The following MFN1 variants were observed in gnomAD, a reference collection of about 807,000 sequenced individuals.
MFN1 encodes mitofusin 1.
In MFN1, 65 loss-of-function variants were observed where a neutral mutation model predicts 92.4. That is an observed-to-expected ratio of 0.70 (90% CI 0.58 to 0.86). The LOEUF is 0.86. Among genes scored for constraint, MFN1 ranks in the 40% least tolerant of loss-of-function variants. The pLI, the probability that MFN1 is intolerant of heterozygous loss-of-function variation, is 0.00. For missense variants in MFN1, 781 were observed against 868.0 expected (o/e 0.90, Z 1.26); for synonymous variants, 297 against 300.9 (o/e 0.99, Z 0.13).
At chr3:179,391,460 C>G (rs1224607008) in intron 17 of MFN1, among the ~76,000 whole-genome samples, 2 of 152,028 alleles carry the variant, frequency 1.3e-5, no homozygotes, top group African/African-American at 2.4e-5. Flanking sequence ...AGAGCTACCT[C>G]AAGAAATATA....
intron 9 of MFN1, among the ~76,000 whole-genome samples, chr3:179,372,714 G>T (rs894023850): frequency 6.6e-6 from 1 of 151,978 alleles, no homozygotes; most frequent in Non-Finnish European, 1.5e-5. Context: ...TTTCTGTCTC[G>T]TCTAGCTCTA....
intron 9 of MFN1, among the ~76,000 whole-genome samples, chr3:179,371,088 C>T (rs762919801): frequency 5.9e-5 from 9 of 152,148 alleles, no homozygotes; most frequent in Non-Finnish European, 1.3e-4. Context: ...TCACCTTTAT[C>T]AATTTGACCT....
Position 179,362,363 on chromosome 3 carries a change from TA to T in MFN1, c.419del (p.Asn140IlefsTer13). ...TTCTTTTCCTCCTGCTTTAGACAGT[TA>T]ATCAACTGGCCCATGCCCTTCACAT... ...SDEKKSVKTV[N>X]QLAHALHMDK... On this transcript the variant is annotated frameshift_variant, in exon 5 of 18. Transcript: ENST00000471841. LOFTEE classifies it high-confidence loss of function. The T allele has an allele frequency of 6.2e-7, 1 of 1,607,728 alleles. No individual in the cohort carries two copies. The highest frequency in any genetic ancestry group is 8.5e-7 in the Non-Finnish European group (1 of 1,178,054).
chr3:179,372,474 G>A (rs1339883237), intron 9 of MFN1, among the ~76,000 whole-genome samples: 1 of 152,026 alleles, frequency 6.6e-6, no homozygotes, highest in Non-Finnish European at 1.5e-5. Context: ...GTGTAGTAAG[G>A]ATGCTGAGAA....
intron 16 of MFN1, among the ~76,000 whole-genome samples, chr3:179,389,220 G>A (rs1222084386): frequency 6.6e-6 from 1 of 152,114 alleles, no homozygotes; most frequent in East Asian, 1.9e-4. Flanking sequence ...TTAAGGATGA[G>A]TTTTCATCTA....
chr3:179,362,179 AT>A (rs1310367739), intron 4 of MFN1, among the ~76,000 whole-genome samples, 178 bp from the exon 5 acceptor site: 1 of 152,002 alleles, frequency 6.6e-6, no homozygotes, highest in Non-Finnish European at 1.5e-5. Context: ...TGAGGGAACC[AT>A]TTTTTTTCTA....
chr3:179,387,584 C>CTTTT (rs769878779), intron 16 of MFN1, among the ~76,000 whole-genome samples: 6 of 82,282 alleles, frequency 7.3e-5, no homozygotes, highest in Admixed American at 1.4e-4. Context: ...TTTGTGGTTT[C>CTTTT]TTTTTTTTTT....
intron 17 of MFN1, 76 bp from the exon 18 acceptor site, chr3:179,391,904 CT>C: frequency 3.4e-6 from 3 of 888,938 alleles, no homozygotes; most frequent in Non-Finnish European, 5.4e-6. Flanking sequence ...AAGTTTTTGT[CT>C]TTTAATAATG....
intron 9 of MFN1, among the ~76,000 whole-genome samples, chr3:179,373,427 A>G (rs946906986): frequency 2.0e-5 from 3 of 152,206 alleles, no homozygotes; most frequent in Non-Finnish European, 4.4e-5. Context: ...GAAGGATAGT[A>G]ATGAACTTCA....
In MFN1 at chr3:179,356,651, G is replaced by C. The variant is rs146381914; in HGVS notation, c.249-2189G>C. Among the ~76,000 whole-genome samples, 44 of 152,070 alleles carry C rather than the reference G, an allele frequency of 2.9e-4. No individual in the cohort carries two copies. In the East Asian group the frequency reaches 7.9e-3, roughly 27 times the overall value. On this transcript the variant is annotated intron_variant, in intron 3 of 17. Coordinates refer to ENST00000471841, the MANE Select transcript of MFN1 (RefSeq NM_033540.3). ...ATTTCCACAGTTGTTTTTTTTGTTC[G>C]TTTTGGGAAGGCAGGGTGACAGTGT...
chr3:179,350,944 C>T (rs75674681), intron 2 of MFN1, among the ~76,000 whole-genome samples: 3,342 of 152,182 alleles, frequency 0.022, 57 homozygotes, highest in Non-Finnish European at 0.032. Flanking sequence ...GCAAACTCTG[C>T]CTCCGGATTC....
At chr3:179,385,338 C>T (rs968603399) in intron 14 of MFN1, among the ~76,000 whole-genome samples, 2 of 151,416 alleles carry the variant, frequency 1.3e-5, no homozygotes, top group Non-Finnish European at 2.9e-5. Flanking sequence ...CCTACTGTTA[C>T]ATTTAGACCC....
Position 179,358,609 on chromosome 3 carries a change from G to A in MFN1, c.249-231G>A, listed in dbSNP as rs62408870. The stretch of plus-strand genomic sequence containing the variant: ...TTGCCACAAAAAGCAAGAAAGAAAA[G>A]TTGAGGATACTACTGTGAGAAAGGT... On this transcript the variant is annotated intron_variant, in intron 3 of 17. Coordinates refer to ENST00000471841, the MANE Select transcript of MFN1 (RefSeq NM_033540.3). 3.3e-3 allele frequency among the ~76,000 whole-genome samples: 510 copies of A among 152,324 alleles called. 1 individual carries two copies. Among genetic ancestry groups the A allele is most frequent in the Non-Finnish European group, 5.5e-3 (373 of 68,028 alleles).
At chr3:179,355,178 AAT>A (rs969212781) in intron 3 of MFN1, among the ~76,000 whole-genome samples, 19 of 152,072 alleles carry the variant, frequency 1.2e-4, no homozygotes, top group African/African-American at 4.3e-4. Context: ...ATATACATAT[AAT>A]ATATATATTA....
chr3:179,367,450 G>A lies in MFN1; in HGVS notation c.765G>A (p.Gln255=). The stretch of plus-strand genomic sequence containing the variant: ...CGTTTTCTCTGTAGGTACGCAGACA[G>A]CACATGGAAAGATGCCTGCATTTCT... ...EPEYMEDVRR[Q]HMERCLHFLV... is the part of the protein sequence containing the mutation. Residue 255 remains glutamine, a synonymous_variant, in exon 8 of 18, where the codon CAG becomes CAA. Coordinates refer to ENST00000471841, the MANE Select transcript of MFN1 (RefSeq NM_033540.3). 2 of 1,611,232 alleles carry A rather than the reference G, an allele frequency of 1.2e-6. No individual in the cohort carries two copies. Among genetic ancestry groups the A allele is most frequent in the African/African-American group, 2.7e-5 (2 of 74,682 alleles).
chr3:179,364,473 A>G, intron 6 of MFN1, 68 bp downstream of exon 6: 1 of 1,230,994 alleles, frequency 8.1e-7, no homozygotes, highest in Non-Finnish European at 1.2e-6. Context: ...TAATTCTGAA[A>G]AGCAAGGGAA....
At chr3:179,361,514 G>T (rs111735165) in intron 4 of MFN1, among the ~76,000 whole-genome samples, 5 of 151,434 alleles carry the variant, frequency 3.3e-5, no homozygotes, top group African/African-American at 1.2e-4. Flanking sequence ...TTATTTCTGT[G>T]TGTACCCAAA....
intron 5 of MFN1, among the ~76,000 whole-genome samples, chr3:179,362,754 A>G (rs1461183103): frequency 6.6e-6 from 1 of 152,194 alleles, no homozygotes; most frequent in Non-Finnish European, 1.5e-5. Flanking sequence ...GCTCACTGCA[A>G]CCTTCGCCTG....
At chr3:179,359,655 G>T (rs1392953505) in intron 4 of MFN1, 1 of 132,554 alleles carries the variant, frequency 7.5e-6, no homozygotes, top group Non-Finnish European at 1.6e-5. Context: ...GGCCAGGCTG[G>T]TCTTGAACTC....
Sources: gnomAD v4.1 joint callset for allele counts (sites outside exome capture counted in the v4.1 genomes callset) on GRCh38, gnomAD v4.1.1 for gene constraint, MANE v1.5 for transcripts, NCBI Gene and HGNC (gene_info 2026-07-23, HGNC 2026-07-21) for gene names.